The following BIRC6 variants were observed in gnomAD, a reference collection of about 807,000 sequenced individuals.
BIRC6 encodes the protein dual E2 ubiquitin-conjugating enzyme/E3 ubiquitin-protein ligase BIRC6.
BIRC6 carries 98 observed loss-of-function variants against 503.3 expected under a neutral mutation model. The observed-to-expected ratio is 0.19, with a 90% CI of 0.17 to 0.23. The LOEUF (loss-of-function observed/expected upper bound fraction) is 0.23, where lower values mean the gene tolerates loss of function less well. Ranked by LOEUF, BIRC6 falls within the 10% of genes least tolerant of loss-of-function variation. The pLI, the probability that BIRC6 is intolerant of heterozygous loss-of-function variation, is 1.00. For missense variants in BIRC6, 5,360 were observed against 5,806.0 expected, an observed-to-expected ratio of 0.92 and a Z score of 2.50; for synonymous variants, 2,240 against 2,078.7, an observed-to-expected ratio of 1.08 and a Z score of -2.11.
intron 61 of BIRC6, among the ~76,000 whole-genome samples, chr2:32,535,564 T>C (rs1349417834): frequency 1.3e-5 from 2 of 152,208 alleles, no homozygotes; most frequent in Middle Eastern, 3.2e-3. Context: ...GTTTGGTTTT[T>C]TCGTCCTTGC....
chr2:32,483,372 C>G (rs892367859), intron 39 of BIRC6, among the ~76,000 whole-genome samples: 1 of 152,052 alleles, frequency 6.6e-6, no homozygotes, highest in African/African-American at 2.4e-5. Context: ...AAGTTAAATG[C>G]GGAGAATGTT....
At chr2:32,559,230 C>T (rs2058988155) in intron 65 of BIRC6, among the ~76,000 whole-genome samples, 1 of 152,234 alleles carries the variant, frequency 6.6e-6, no homozygotes, top group Non-Finnish European at 1.5e-5. Context: ...CATAAATCAG[C>T]AAACAGGCCC....
Position 32,357,616 on chromosome 2 carries a change from A to G in BIRC6, c.325+130A>G. 1 of 1,427,750 alleles carries G rather than the reference A, an allele frequency of 7.0e-7. No homozygotes were observed. Among genetic ancestry groups the G allele is most frequent in the Non-Finnish European group, 9.1e-7 (1 of 1,093,678 alleles). The allele number at this position is 1,427,750 out of a possible 1,614,324, so 88.4% of individuals were successfully genotyped here. Reference sequence around the variant, plus strand: ...GCTGGGGGTTCGGGCCCAGCCGTGAAGGGAGGCCCGGAAGCTGATGGAGGG... The same window carrying G: ...GCTGGGGGTTCGGGCCCAGCCGTGAGGGGAGGCCCGGAAGCTGATGGAGGG... On this transcript the variant is annotated intron_variant, in intron 1 of 73. Transcript: ENST00000421745. This position sits in a 1 kb window ranked among gnomAD's most constrained non-coding sequence, Gnocchi z 4.9.
At chr2:32,533,237 A>G (rs139138408) in intron 61 of BIRC6, among the ~76,000 whole-genome samples, 3 of 152,000 alleles carry the variant, frequency 2.0e-5, no homozygotes, top group African/African-American at 7.3e-5. Flanking sequence ...TAGAAGCAGA[A>G]CTATTAACTC....
chr2:32,469,300 T>C, intron 29 of BIRC6, 95 bp from the exon 30 acceptor site: 1 of 870,450 alleles, frequency 1.1e-6, no homozygotes, highest in Admixed American at 2.9e-5. Context: ...ATCTACTGAT[T>C]ACTAGAAAAG....
chr2:32,375,675 A>G (rs1423764668), intron 1 of BIRC6, among the ~76,000 whole-genome samples: 3 of 151,876 alleles, frequency 2.0e-5, no homozygotes, highest in Non-Finnish European at 2.9e-5. Context: ...CATTTTGTAA[A>G]CAGATGACAT....
In BIRC6 at chr2:32,416,168, GTTGTCTGATT is replaced by G; in HGVS notation, c.2872+6_2872+15del. On this transcript the variant is annotated splice_donor_region_variant and intron_variant, in intron 10 of 73. Coordinates refer to ENST00000421745, the MANE Select transcript of BIRC6 (RefSeq NM_016252.4). Reference sequence around the variant, plus strand: ...GGCTGTGTGCATGCACCAAAGGTAAGTTGTCTGATTATGCTATAAATCTTATAAAATCCAT... The same window carrying G: ...GGCTGTGTGCATGCACCAAAGGTAAGATGCTATAAATCTTATAAAATCCAT... 6.3e-7 allele frequency: 1 copy of G among 1,576,142 alleles called. No homozygotes were observed. Among genetic ancestry groups the G allele is most frequent in the South Asian group, 1.2e-5 (1 of 85,054 alleles).
chr2:32,374,573 C>T (rs917937679), intron 1 of BIRC6, among the ~76,000 whole-genome samples: 29 of 151,516 alleles, frequency 1.9e-4, no homozygotes, highest in African/African-American at 6.1e-4. Context: ...CCCAGGTTCA[C>T]GCCATTCTCC....
chr2:32,535,612 A>G (rs545141944), intron 61 of BIRC6, among the ~76,000 whole-genome samples: 8 of 152,186 alleles, frequency 5.3e-5, no homozygotes, highest in Non-Finnish European at 1.2e-4. Flanking sequence ...AGCTTCATCC[A>G]TGTCCCTACA....
At chr2:32,548,846 G>T (rs2058241705) in intron 64 of BIRC6, 1 of 152,364 alleles carries the variant, frequency 6.6e-6, no homozygotes, top group Non-Finnish European at 1.5e-5. Flanking sequence ...AGAATAGAAA[G>T]TCTTTATACC....
At chr2:32,475,182 T>G (rs1017004013) in intron 33 of BIRC6, among the ~76,000 whole-genome samples, 22 of 123,348 alleles carry the variant, frequency 1.8e-4, no homozygotes, top group African/African-American at 6.4e-4. Context: ...AAAAAAAAAG[T>G]GTCAATAGTA....
chr2:32,457,692 C>G lies in BIRC6; in HGVS notation c.4753+3750C>G, dbSNP rs1444930917. Among the ~76,000 whole-genome samples, 3 of 151,508 alleles carry G rather than the reference C, an allele frequency of 2.0e-5. No homozygotes were observed. The South Asian group carries it at 6.3e-4, about 32-fold the overall frequency. ...ATTCCATTTTCATTGATTTTTATTC[C>G]TTTGTCTTTGAGCTTTTATCTGGTA... On this transcript the variant is annotated intron_variant, in intron 23 of 73. Transcript: ENST00000421745.
intron 16 of BIRC6, among the ~76,000 whole-genome samples, chr2:32,440,068 G>A (rs1382177951): frequency 6.6e-6 from 1 of 152,062 alleles, no homozygotes. Context: ...TAGTAGAGAC[G>A]GGGTTTCACC....
intron 43 of BIRC6, among the ~76,000 whole-genome samples, chr2:32,491,196 T>C (rs2051658935): frequency 1.3e-5 from 2 of 152,146 alleles, no homozygotes; most frequent in Non-Finnish European, 2.9e-5. Flanking sequence ...AAATAAGATG[T>C]ACATTAAGCT....
intron 72 of BIRC6, among the ~76,000 whole-genome samples, chr2:32,610,900 C>T (rs1394965454): frequency 2.6e-5 from 4 of 151,454 alleles, no homozygotes; most frequent in Non-Finnish European, 5.9e-5. Context: ...TCCCAAGTAG[C>T]TGGCACTACA....
At chr2:32,491,327 G>A (rs1297237513) in intron 43 of BIRC6, 98 bp from the exon 44 acceptor site, 4 of 1,187,382 alleles carry the variant, frequency 3.4e-6, no homozygotes, top group Non-Finnish European at 3.4e-6. Flanking sequence ...TACTAGGAAT[G>A]TATGAATTTT....
At chr2:32,399,404 C>A (rs749427325) in intron 6 of BIRC6, among the ~76,000 whole-genome samples, 1 of 152,002 alleles carries the variant, frequency 6.6e-6, no homozygotes, top group African/African-American at 2.4e-5. Flanking sequence ...TTTTTAGATA[C>A]GGGGTCTTGC....
At chr2:32,511,323 G>A (rs1276034758) in intron 53 of BIRC6, among the ~76,000 whole-genome samples, 1 of 134,294 alleles carries the variant, frequency 7.4e-6, no homozygotes, top group Non-Finnish European at 1.6e-5. Flanking sequence ...TGTTTGTTTT[G>A]TTTTGAGATG....
intron 65 of BIRC6, among the ~76,000 whole-genome samples, chr2:32,554,220 G>T (rs1251148050): frequency 6.6e-6 from 1 of 152,008 alleles, no homozygotes; most frequent in Non-Finnish European, 1.5e-5. Flanking sequence ...AACTTAGTGG[G>T]GTATGCTACA....
Sources: gnomAD v4.1 joint callset for allele counts (sites outside exome capture counted in the v4.1 genomes callset) on GRCh38, gnomAD v4.1.1 for gene constraint, Gnocchi (gnomAD v3.1) non-coding constraint, MANE v1.5 for transcripts, NCBI Gene and HGNC (gene_info 2026-07-23, HGNC 2026-07-21) for gene names.